ANKFN1: variants seen among roughly 807,000 people sequenced by gnomAD.
The protein encoded by ANKFN1 is ankyrin repeat and fibronectin type-III domain-containing protein 1.
ANKFN1 carries 74 observed loss-of-function variants against 108.7 expected under a neutral mutation model. The ratio of observed to expected loss-of-function variants is 0.68; its 90% CI spans 0.56 to 0.83. The LOEUF (loss-of-function observed/expected upper bound fraction) is 0.83, where lower values mean the gene tolerates loss of function less well. ANKFN1 is among the 40% of genes least tolerant of loss of function. The pLI, the probability that ANKFN1 is intolerant of heterozygous loss-of-function variation, is 0.00. For missense variants in ANKFN1, 1,505 were observed against 1,382.3 expected, an observed-to-expected ratio of 1.09 and a Z score of -1.41; for synonymous variants, 547 against 516.2, an observed-to-expected ratio of 1.06 and a Z score of -0.81.
intron 4 of ANKFN1, among the ~76,000 whole-genome samples, chr17:56,097,454 G>T (rs1188576278): frequency 6.6e-6 from 1 of 152,092 alleles, no homozygotes; most frequent in Admixed American, 6.5e-5. Flanking sequence ...CCACCAGTTT[G>T]TAACCTCCAA....
chr17:56,224,157 G>C (rs1311908156), intron 2 of ANKFN1, among the ~76,000 whole-genome samples: 1 of 152,170 alleles, frequency 6.6e-6, no homozygotes. Flanking sequence ...AAGAACACTT[G>C]ATCAAAGCAA....
intron 14 of ANKFN1, among the ~76,000 whole-genome samples, 199 bp from the exon 15 acceptor site, chr17:56,466,157 A>G (rs2050066013): frequency 6.6e-6 from 1 of 152,172 alleles, no homozygotes; most frequent in Admixed American, 6.5e-5. Flanking sequence ...CAATCTTTAC[A>G]AATGCCTTGT....
chr17:56,103,412 GCTT>G (rs1159885482), intron 4 of ANKFN1, among the ~76,000 whole-genome samples: 9 of 152,206 alleles, frequency 5.9e-5, no homozygotes, highest in African/African-American at 2.2e-4. Flanking sequence ...GAACACAGCA[GCTT>G]CTTCTAGAGA....
chr17:56,107,950 C>T (rs1046853375), intron 4 of ANKFN1, among the ~76,000 whole-genome samples: 2 of 152,210 alleles, frequency 1.3e-5, no homozygotes, highest in Non-Finnish European at 2.9e-5. Flanking sequence ...CAACCTCCAC[C>T]TCCCAGGTTC....
intron 4 of ANKFN1, among the ~76,000 whole-genome samples, chr17:56,078,869 G>A (rs1905212772): frequency 6.6e-6 from 1 of 152,140 alleles, no homozygotes; most frequent in African/African-American, 2.4e-5. Context: ...AAGCACAGTT[G>A]GTGAGGTGTT....
At chr17:56,462,143 G>A (rs2049922136) in intron 14 of ANKFN1, 1 of 152,196 alleles carries the variant, frequency 6.6e-6, no homozygotes, top group African/African-American at 2.4e-5. Flanking sequence ...GTACAGCGAA[G>A]ATGTCTGGAA....
In ANKFN1 at chr17:56,259,909, AACACACAC is replaced by A. The variant is rs34951336; in HGVS notation, c.53+31983_53+31990del. Among the ~76,000 whole-genome samples the A allele has an allele frequency of 3.5e-4, 49 of 139,148 alleles. 1 individual carries two copies. The highest frequency in any genetic ancestry group is 1.2e-3 in the South Asian group (5 of 4,156). The allele number at this position is 139,148 out of a possible 152,430, so 91.3% of individuals were successfully genotyped here. A position where few individuals can be genotyped will look rare whatever the true frequency, so the allele number is the denominator to read the frequency against. ...GTATCACTCCCCCACCCCACCTCCAAACACACACACACACACACACACACACACACACA... is the reference window on the plus strand; with the variant it reads ...GTATCACTCCCCCACCCCACCTCCAAACACACACACACACACACACACACA... On this transcript the variant is annotated intron_variant, in intron 3 of 20. Transcript: ENST00000682825.
intron 8 of ANKFN1, among the ~76,000 whole-genome samples, chr17:56,404,530 G>T (rs1043704043): frequency 6.6e-6 from 1 of 152,024 alleles, no homozygotes; most frequent in Non-Finnish European, 1.5e-5. Flanking sequence ...TTCTTCAAGC[G>T]ATCTATGTCC....
chr17:56,432,449 A>G (rs2048789268), intron 8 of ANKFN1, among the ~76,000 whole-genome samples: 1 of 152,260 alleles, frequency 6.6e-6, no homozygotes, highest in African/African-American at 2.4e-5. Context: ...AAATGTAATA[A>G]TAATGAAGCA....
chr17:56,508,967 A>G (rs2051659001), intron 20 of ANKFN1, among the ~76,000 whole-genome samples: 1 of 152,230 alleles, frequency 6.6e-6, no homozygotes, highest in African/African-American at 2.4e-5. Flanking sequence ...GAGTAATTAA[A>G]TATCTCTGCC....
chr17:56,076,164 C>T (rs910427929), intron 4 of ANKFN1, among the ~76,000 whole-genome samples: 1 of 152,172 alleles, frequency 6.6e-6, no homozygotes, highest in Admixed American at 6.5e-5. Context: ...ATGGAATTCT[C>T]AACCATGACA....
At chr17:56,210,455 A>G (rs1914898583) in intron 1 of ANKFN1, among the ~76,000 whole-genome samples, 1 of 152,154 alleles carries the variant, frequency 6.6e-6, no homozygotes, top group Admixed American at 6.5e-5. Context: ...GTGGTATCAC[A>G]TTGTGGTTTT....
intron 16 of ANKFN1, 52 bp downstream of exon 16, chr17:56,477,706 G>T (rs768759780): frequency 1.9e-6 from 3 of 1,575,988 alleles, no homozygotes; most frequent in Admixed American, 3.5e-5. Flanking sequence ...TGGCTCAAGT[G>T]ACCAGCTTGA....
At chr17:56,195,799 A>G (rs1018950083) in intron 1 of ANKFN1, among the ~76,000 whole-genome samples, 1 of 152,182 alleles carries the variant, frequency 6.6e-6, no homozygotes, top group Non-Finnish European at 1.5e-5. Flanking sequence ...CAGGGCATGT[A>G]TCTTTATTGA....
At chr17:56,053,231 A>G (rs1397524915) in intron 4 of ANKFN1, among the ~76,000 whole-genome samples, 1 of 152,122 alleles carries the variant, frequency 6.6e-6, no homozygotes, top group Non-Finnish European at 1.5e-5. Context: ...TAGGCATAAA[A>G]TTTGTAATAA....
intron 8 of ANKFN1, among the ~76,000 whole-genome samples, chr17:56,428,590 G>A (rs1338791818): frequency 2.0e-5 from 3 of 151,484 alleles, no homozygotes; most frequent in Admixed American, 6.6e-5. Flanking sequence ...AGCCTGACAA[G>A]CAGCTGAGAC....
intron 4 of ANKFN1, among the ~76,000 whole-genome samples, chr17:56,099,067 G>C (rs540266148): frequency 2.0e-5 from 3 of 152,256 alleles, no homozygotes; most frequent in African/African-American, 7.2e-5. Flanking sequence ...GTAATGGAGG[G>C]ATAGTCTTAC....
chr17:56,214,263 C>A (rs191210254), intron 2 of ANKFN1, among the ~76,000 whole-genome samples: 253 of 152,196 alleles, frequency 1.7e-3, no homozygotes, highest in African/African-American at 4.8e-3. Flanking sequence ...TTAGAGGAAC[C>A]AAATGTGCGT....
At chr17:56,306,665 T>C (rs1160591341) in intron 3 of ANKFN1, among the ~76,000 whole-genome samples, 2 of 152,168 alleles carry the variant, frequency 1.3e-5, no homozygotes, top group African/African-American at 4.8e-5. Context: ...AGGTAATTTA[T>C]AGATTCAATG....
Sources: allele counts gnomAD v4.1 joint callset (sites outside exome capture counted in the v4.1 genomes callset), GRCh38; gene constraint gnomAD v4.1.1; transcripts MANE v1.5; gene names NCBI Gene and HGNC (gene_info 2026-07-23, HGNC 2026-07-21).